NCAM1: variants seen among roughly 807,000 people sequenced by gnomAD.
NCAM1 encodes antigen recognized by monoclonal antibody 5.1H11.
In NCAM1, 14 loss-of-function variants were observed where a neutral mutation model predicts 109.8. The observed-to-expected ratio is 0.13, with a 90% CI of 0.08 to 0.20. The LOEUF (loss-of-function observed/expected upper bound fraction) is 0.20. Ranked by LOEUF, NCAM1 falls within the 10% of genes least tolerant of loss-of-function variation. The probability of loss-of-function intolerance (pLI) is 1.00; values close to 1 mark genes in which losing one functional copy is unlikely to be tolerated. For missense variants in NCAM1, 774 were observed against 1,109.9 expected (o/e 0.70, Z 4.30); for synonymous variants, 418 against 442.9 (o/e 0.94, Z 0.70).
Position 113,231,633 on chromosome 11 carries a change from C to T in NCAM1, c.1090-12C>T, listed in dbSNP as rs17115206. The stretch of plus-strand genomic sequence containing the variant: ...GGCTCTGACATGCTCCCTTCCCCCC[C>T]ACCCCCGGCAGACTCTGGATGGGCA... On this transcript the variant is annotated splice_polypyrimidine_tract_variant and intron_variant, in intron 9 of 19. Transcript: ENST00000316851. The T allele has an allele frequency of 1.2e-5, 20 of 1,612,262 alleles. No homozygotes were observed. Among genetic ancestry groups the T allele is most frequent in the East Asian group, 2.2e-5 (1 of 44,840 alleles).
At chr11:113,035,509 A>G (rs1490356059) in intron 1 of NCAM1, among the ~76,000 whole-genome samples, 2 of 152,216 alleles carry the variant, frequency 1.3e-5, no homozygotes, top group Non-Finnish European at 2.9e-5. Context: ...GGAGATATTA[A>G]ATTATGCTCA....
At position 113,207,369 on chromosome 11, in the gene NCAM1, G is replaced by T. The variant is rs1944269248; in HGVS notation, c.737G>T (p.Ser246Ile). Residue 246 changes from serine (S) to isoleucine (I), a missense_variant, in exon 6 of 20, where the codon AGC becomes ATC. Coordinates refer to ENST00000316851, the MANE Select transcript of NCAM1 (RefSeq NM_181351.5). ...GAAGGCTTCCCAGAGCCCACCATGA[G>T]CTGGACAAAGTAAGAAACTGGCTCA... ...DAEGFPEPTM[S>I]WTKDGEQIEQ... The T allele has an allele frequency of 6.2e-7, 1 of 1,613,188 alleles. No homozygotes were observed. The highest frequency in any genetic ancestry group is 1.7e-5 in the Admixed American group (1 of 60,014).
intron 1 of NCAM1, among the ~76,000 whole-genome samples, chr11:113,072,898 C>T (rs1938351448): frequency 6.6e-6 from 1 of 151,234 alleles, no homozygotes; most frequent in South Asian, 2.1e-4. Flanking sequence ...TTTAAGTGTA[C>T]AGTTAAGTAG....
chr11:113,171,403 G>A (rs943633760), intron 1 of NCAM1, among the ~76,000 whole-genome samples: 2 of 152,042 alleles, frequency 1.3e-5, no homozygotes, highest in African/African-American at 2.4e-5. Flanking sequence ...AGGCCGACGC[G>A]GGTAGATCAC....
chr11:113,201,652 T>C (rs915975680), intron 1 of NCAM1, among the ~76,000 whole-genome samples: 69 of 152,234 alleles, frequency 4.5e-4, no homozygotes, highest in African/African-American at 1.6e-3. Flanking sequence ...ACAGAGCATA[T>C]GGATGTTCAA....
chr11:113,225,614 C>G (rs1414788749), intron 9 of NCAM1, among the ~76,000 whole-genome samples: 1 of 142,530 alleles, frequency 7.0e-6, no homozygotes, highest in Non-Finnish European at 1.5e-5. Context: ...AAGGACAACT[C>G]CAAGACACTT....
chr11:113,265,202 C>T (rs1332950681), intron 17 of NCAM1: 1 of 978,646 alleles, frequency 1.0e-6, no homozygotes, highest in Non-Finnish European at 1.2e-6. Flanking sequence ...TGTGAACTCA[C>T]CAGCGTGGCT....
At chr11:113,000,981 G>C (rs1555072350) in intron 1 of NCAM1, among the ~76,000 whole-genome samples, 1 of 151,928 alleles carries the variant, frequency 6.6e-6, no homozygotes, top group Non-Finnish European at 1.5e-5. Flanking sequence ...AAGAAGGAAT[G>C]TTTCCATGTC....
chr11:112,973,173 CA>C (rs1292045101), intron 1 of NCAM1, among the ~76,000 whole-genome samples: 1 of 152,108 alleles, frequency 6.6e-6, no homozygotes, highest in Non-Finnish European at 1.5e-5. Flanking sequence ...GCTTGTTCTG[CA>C]TGTCACAAAT....
intron 1 of NCAM1, among the ~76,000 whole-genome samples, chr11:113,078,412 CA>C (rs1170150933): frequency 6.6e-6 from 1 of 151,154 alleles, no homozygotes; most frequent in Non-Finnish European, 1.5e-5. Context: ...AGATCTTATT[CA>C]CCGGCACTGG....
chr11:113,225,543 C>A (rs1261737946), intron 9 of NCAM1, among the ~76,000 whole-genome samples: 2 of 152,192 alleles, frequency 1.3e-5, no homozygotes, highest in African/African-American at 4.8e-5. Flanking sequence ...CCCAATCCAG[C>A]AAGGCAGGCT....
intron 1 of NCAM1, among the ~76,000 whole-genome samples, chr11:113,120,538 C>T (rs559174504): frequency 6.0e-4 from 91 of 152,286 alleles, no homozygotes; most frequent in African/African-American, 2.1e-3. Flanking sequence ...GCTGTGGCCA[C>T]GCTTTGCACT....
chr11:113,135,024 G>A lies in NCAM1; in HGVS notation c.53-67355G>A, dbSNP rs992673498. Among the ~76,000 whole-genome samples, 16 of 152,128 alleles carry A rather than the reference G, an allele frequency of 1.1e-4. 1 individual carries two copies. The highest frequency in any genetic ancestry group is 4.6e-4 in the Admixed American group (7 of 15,272). On this transcript the variant is annotated intron_variant, in intron 1 of 19. Transcript: ENST00000316851. ...GGGCTATGGGAACAAGACCTTACCC[G>A]TCATTGAGTTGAGGTTCTGATGGTG...
chr11:112,971,240 CTCTCTG>C (rs1216982799), intron 1 of NCAM1, among the ~76,000 whole-genome samples: 110 of 152,106 alleles, frequency 7.2e-4, no homozygotes, highest in Non-Finnish European at 1.3e-3. Context: ...CTCTCTCTCT[CTCTCTG>C]TCTCTGTCTC....
intron 1 of NCAM1, among the ~76,000 whole-genome samples, chr11:113,157,537 A>C (rs1591373759): frequency 6.6e-6 from 1 of 152,036 alleles, no homozygotes; most frequent in South Asian, 2.1e-4. Flanking sequence ...ATCACCCTCT[A>C]TATCATTAAC....
At chr11:113,089,368 G>A (rs1939235964) in intron 1 of NCAM1, among the ~76,000 whole-genome samples, 1 of 113,080 alleles carries the variant, frequency 8.8e-6, no homozygotes, top group African/African-American at 3.5e-5. Flanking sequence ...AAAAAATAGA[G>A]TGGGTTTAGT....
intron 1 of NCAM1, among the ~76,000 whole-genome samples, chr11:113,135,961 C>T (rs1373453575): frequency 1.3e-5 from 2 of 152,142 alleles, no homozygotes; most frequent in Non-Finnish European, 1.5e-5. Flanking sequence ...AATTTGCAGG[C>T]ACAGGTGGAC....
chr11:113,233,980 G>A lies in NCAM1; in HGVS notation c.1693+663G>A, dbSNP rs557013274. Among the ~76,000 whole-genome samples, 5 of 152,274 alleles carry A rather than the reference G, an allele frequency of 3.3e-5. No homozygotes were observed. Among genetic ancestry groups the A allele is most frequent in the East Asian group, 1.9e-4 (1 of 5,186 alleles). ...TGTACAAATTTTTAATCCTGGTCTC[G>A]TATGTGGTAATTCGAGTGGAATTGG... On this transcript the variant is annotated intron_variant, in intron 13 of 19. Coordinates refer to ENST00000316851, the MANE Select transcript of NCAM1 (RefSeq NM_181351.5). This position sits in a 1 kb window ranked among gnomAD's most constrained non-coding sequence, Gnocchi z 4.5.
intron 1 of NCAM1, among the ~76,000 whole-genome samples, chr11:113,075,318 C>A (rs1241134089): frequency 1.3e-5 from 2 of 152,122 alleles, no homozygotes; most frequent in African/African-American, 4.8e-5. Flanking sequence ...GATCCTCCCA[C>A]CTTGGCCTCC....
Sources: gnomAD v4.1 joint callset for allele counts (sites outside exome capture counted in the v4.1 genomes callset) on GRCh38, gnomAD v4.1.1 for gene constraint, Gnocchi (gnomAD v3.1) non-coding constraint, MANE v1.5 for transcripts, NCBI Gene and HGNC (gene_info 2026-07-23, HGNC 2026-07-21) for gene names.